The following CTNNA2 variants were observed in gnomAD, a reference collection of about 807,000 sequenced individuals.
CTNNA2 encodes the protein catenin alpha 2, also known as catenin alpha-2.
In CTNNA2, 42 loss-of-function variants were observed where a neutral mutation model predicts 101.0. That is an observed-to-expected ratio of 0.42 (90% CI 0.32 to 0.54). The LOEUF is 0.54. Among genes scored for constraint, CTNNA2 ranks in the 20% least tolerant of loss-of-function variants. The pLI, the probability that CTNNA2 is intolerant of heterozygous loss-of-function variation, is 0.14. For synonymous variants in CTNNA2, 450 were observed against 456.4 expected (o/e 0.99, Z 0.18); for missense variants, 871 against 1,223.1 (o/e 0.71, Z 4.29).
intron 7 of CTNNA2, among the ~76,000 whole-genome samples, chr2:80,168,264 T>C (rs2148957477): frequency 6.6e-6 from 1 of 152,276 alleles, no homozygotes; most frequent in East Asian, 1.9e-4. Context: ...GAAGACTCTC[T>C]GACCCTAAGT....
chr2:79,584,793 T>G (rs2103931563), intron 1 of CTNNA2, among the ~76,000 whole-genome samples: 1 of 152,308 alleles, frequency 6.6e-6, no homozygotes, highest in East Asian at 1.9e-4. Context: ...GTGTTGGGAT[T>G]ACAGGCGTGA....
chr2:79,427,022 A>G (rs982003947), intron 4 of CTNNA2, among the ~76,000 whole-genome samples: 7 of 151,974 alleles, frequency 4.6e-5, no homozygotes, highest in Admixed American at 3.9e-4. Flanking sequence ...GGTGATGTTT[A>G]TTTTGCAAAC....
At chr2:79,887,078 A>T (rs774000398) in intron 6 of CTNNA2, among the ~76,000 whole-genome samples, 12 of 152,158 alleles carry the variant, frequency 7.9e-5, no homozygotes, top group Non-Finnish European at 1.8e-4. Context: ...CAGCTTCCCA[A>T]AATGCTGGGA....
intron 9 of CTNNA2, among the ~76,000 whole-genome samples, chr2:80,528,730 G>A (rs1301933995): frequency 6.6e-6 from 1 of 152,150 alleles, no homozygotes; most frequent in Non-Finnish European, 1.5e-5. Context: ...TCATTCCAGA[G>A]AGGGCTTTTT....
intron 2 of CTNNA2, among the ~76,000 whole-genome samples, chr2:79,285,515 A>G: frequency 7.1e-6 from 1 of 140,472 alleles, no homozygotes; most frequent in African/African-American, 2.7e-5. Context: ...TTATGTACCC[A>G]GTAGTCATTC....
intron 7 of CTNNA2, among the ~76,000 whole-genome samples, chr2:79,915,874 G>A (rs890966568): frequency 3.2e-4 from 48 of 152,228 alleles, no homozygotes; most frequent in Admixed American, 2.6e-3. Context: ...TTCAGTATTT[G>A]GGTTTGATCT....
chr2:79,968,053 G>C (rs1574432100), intron 7 of CTNNA2, among the ~76,000 whole-genome samples: 1 of 152,152 alleles, frequency 6.6e-6, no homozygotes, highest in East Asian at 1.9e-4. Context: ...GCTGAGGAAA[G>C]GGAGAAATGG....
chr2:79,783,290 C>T (rs1336923586), intron 3 of CTNNA2, among the ~76,000 whole-genome samples: 1 of 152,118 alleles, frequency 6.6e-6, no homozygotes, highest in Non-Finnish European at 1.5e-5. Context: ...CTTTGTGACT[C>T]AACCAATGGC....
chr2:80,150,261 AG>A (rs1425901371), intron 7 of CTNNA2, among the ~76,000 whole-genome samples: 1 of 152,128 alleles, frequency 6.6e-6, no homozygotes, highest in African/African-American at 2.4e-5. Context: ...ACCTCCTCTG[AG>A]GCTTCTCTTT....
At chr2:80,593,966 C>T (rs1442228419) in intron 15 of CTNNA2, among the ~76,000 whole-genome samples, 1 of 152,014 alleles carries the variant, frequency 6.6e-6, no homozygotes, top group Non-Finnish European at 1.5e-5. Flanking sequence ...TAAGTTCCTG[C>T]TTTCATTTCT....
intron 1 of CTNNA2, among the ~76,000 whole-genome samples, chr2:79,585,385 T>A (rs966145899): frequency 6.6e-6 from 1 of 152,162 alleles, no homozygotes; most frequent in African/African-American, 2.4e-5. Context: ...CAAGACAATG[T>A]TAAATAAGTA....
At chr2:80,251,098 T>C (rs1036742397) in intron 7 of CTNNA2, among the ~76,000 whole-genome samples, 4 of 152,168 alleles carry the variant, frequency 2.6e-5, no homozygotes, top group African/African-American at 9.7e-5. Context: ...TGTACCCTTT[T>C]AATATCTCCT....
At chr2:80,229,272 T>G (rs959279950) in intron 7 of CTNNA2, among the ~76,000 whole-genome samples, 2 of 152,192 alleles carry the variant, frequency 1.3e-5, no homozygotes, top group African/African-American at 4.8e-5. Context: ...AGCTAACTGG[T>G]GACAACATCA....
At chr2:80,221,951 T>A (rs1708600116) in intron 7 of CTNNA2, among the ~76,000 whole-genome samples, 1 of 152,222 alleles carries the variant, frequency 6.6e-6, no homozygotes, top group African/African-American at 2.4e-5. Context: ...TTATCTAAAT[T>A]GCTTCATAAT....
At chr2:80,437,420 A>T (rs1326787787) in intron 9 of CTNNA2, among the ~76,000 whole-genome samples, 1 of 152,212 alleles carries the variant, frequency 6.6e-6, no homozygotes, top group Non-Finnish European at 1.5e-5. Context: ...GTGAAAGGTG[A>T]TTACTTTGGA....
chr2:79,720,159 C>T (rs1401587731), intron 2 of CTNNA2, among the ~76,000 whole-genome samples: 1 of 152,040 alleles, frequency 6.6e-6, no homozygotes, highest in Admixed American at 6.6e-5. Context: ...GGTCCTTTCC[C>T]CATTGCTTGC....
At chr2:79,540,766 G>A (rs751589020) in intron 1 of CTNNA2, among the ~76,000 whole-genome samples, 3 of 152,000 alleles carry the variant, frequency 2.0e-5, no homozygotes, top group East Asian at 1.9e-4. Flanking sequence ...CTTTGATTCC[G>A]TGACTTTGCT....
intron 2 of CTNNA2, among the ~76,000 whole-genome samples, chr2:79,275,438 C>T (rs1573013927): frequency 6.6e-6 from 1 of 152,020 alleles, no homozygotes. Flanking sequence ...AAAATGTGAA[C>T]TTACACATCT....
chr2:79,910,499 A>G (rs917620699), intron 7 of CTNNA2, among the ~76,000 whole-genome samples: 3 of 152,210 alleles, frequency 2.0e-5, no homozygotes, highest in Non-Finnish European at 4.4e-5. Flanking sequence ...GCACTAAATT[A>G]TGGCTGTATT....
Sources: allele counts gnomAD v4.1 joint callset (sites outside exome capture counted in the v4.1 genomes callset), GRCh38; gene constraint gnomAD v4.1.1; transcripts MANE v1.5; gene names NCBI Gene and HGNC (gene_info 2026-07-23, HGNC 2026-07-21).